The following PCDH15 variants were observed in gnomAD, a reference collection of about 807,000 sequenced individuals.
PCDH15 encodes the protein protocadherin-15.
PCDH15 carries 129 observed loss-of-function variants against 178.5 expected under a neutral mutation model. The observed-to-expected ratio is 0.72, with a 90% CI of 0.63 to 0.84. The LOEUF (loss-of-function observed/expected upper bound fraction) is 0.84, where lower values mean the gene tolerates loss of function less well. Ranked by LOEUF, PCDH15 falls within the 40% of genes least tolerant of loss-of-function variation. The probability of loss-of-function intolerance (pLI) is 0.00; values close to 1 mark genes in which losing one functional copy is unlikely to be tolerated. For synonymous variants in PCDH15, 800 were observed against 732.0 expected, an observed-to-expected ratio of 1.09 and a Z score of -1.50; for missense variants, 2,230 against 2,099.9, an observed-to-expected ratio of 1.06 and a Z score of -1.21.
chr10:54,692,772 C>T (rs527937591), intron 1 of PCDH15, among the ~76,000 whole-genome samples: 44 of 150,664 alleles, frequency 2.9e-4, no homozygotes, highest in Non-Finnish European at 5.3e-4. Flanking sequence ...AGATACATTG[C>T]CAAGAAAATG....
chr10:55,613,563 A>G (rs1843414226), intron 2 of PCDH15, among the ~76,000 whole-genome samples: 1 of 152,226 alleles, frequency 6.6e-6, no homozygotes, highest in Admixed American at 6.5e-5. Context: ...TGCAAGGGAA[A>G]GTTCACACAT....
chr10:55,594,180 T>C (rs934711119), intron 2 of PCDH15, among the ~76,000 whole-genome samples: 2 of 151,834 alleles, frequency 1.3e-5, no homozygotes, highest in African/African-American at 4.8e-5. Flanking sequence ...AGTGTACAGG[T>C]AGTTTTAACC....
rs114669101 is a variant in PCDH15 at position 55,099,847 on chromosome 10, G to A, written c.-80+66729C>T. 3.3e-3 allele frequency among the ~76,000 whole-genome samples: 499 copies of A among 152,094 alleles called. 2 individuals are homozygous for A. The highest frequency in any genetic ancestry group is 0.011 in the African/African-American group (443 of 41,508). On this transcript the variant is annotated intron_variant, in intron 2 of 5. Transcript: ENST00000458638. ...TTATCAGCTTTCTTCATTACTCATA[G>A]CAGTGGATATACACAAATCCATTTA...
chr10:55,280,444 A>AT (rs1170034467), intron 1 of PCDH15, among the ~76,000 whole-genome samples: 2,147 of 92,038 alleles, frequency 0.023, 36 homozygotes, highest in African/African-American at 0.038. Flanking sequence ...GCACCCAGCT[A>AT]TTTTTTTTTT....
At chr10:55,327,532 C>A (rs1195708962) in intron 2 of PCDH15, among the ~76,000 whole-genome samples, 1 of 151,922 alleles carries the variant, frequency 6.6e-6, no homozygotes, top group Non-Finnish European at 1.5e-5. Context: ...CACATTAATT[C>A]TTGGCAAACA....
intron 14 of PCDH15, among the ~76,000 whole-genome samples, chr10:54,147,305 A>T (rs1486326181): frequency 6.6e-6 from 1 of 151,750 alleles, no homozygotes; most frequent in Non-Finnish European, 1.5e-5. Context: ...GACATTATTT[A>T]ATGAAAATAA....
At chr10:55,246,534 A>G (rs1323060198) in intron 1 of PCDH15, among the ~76,000 whole-genome samples, 1 of 152,198 alleles carries the variant, frequency 6.6e-6, no homozygotes, top group African/African-American at 2.4e-5. Context: ...TTGTAGAAAT[A>G]TTGGATTTAT....
At chr10:55,584,255 G>A (rs971818769) in intron 2 of PCDH15, among the ~76,000 whole-genome samples, 1 of 151,704 alleles carries the variant, frequency 6.6e-6, no homozygotes, top group Non-Finnish European at 1.5e-5. Context: ...TAGATGTCTT[G>A]AAAGTCAAGT....
chr10:55,298,446 G>A (rs375159227), intron 1 of PCDH15, among the ~76,000 whole-genome samples: 24 of 152,184 alleles, frequency 1.6e-4, no homozygotes, highest in African/African-American at 5.1e-4. Flanking sequence ...GAGCATGGAA[G>A]TGAACAGATC....
intron 28 of PCDH15, among the ~76,000 whole-genome samples, chr10:53,840,899 A>C (rs2077603490): frequency 6.6e-6 from 1 of 152,222 alleles, no homozygotes; most frequent in Non-Finnish European, 1.5e-5. Context: ...AGTCTGTGAC[A>C]CATGACACGT....
At chr10:54,831,304 G>A (rs901066814) in intron 3 of PCDH15, among the ~76,000 whole-genome samples, 1 of 151,934 alleles carries the variant, frequency 6.6e-6, no homozygotes, top group Non-Finnish European at 1.5e-5. Context: ...GTTTTGGTGT[G>A]ACAGAAAAAA....
chr10:54,771,550 AT>A (rs1389568089), intron 1 of PCDH15, among the ~76,000 whole-genome samples: 3 of 152,090 alleles, frequency 2.0e-5, no homozygotes, highest in African/African-American at 4.8e-5. Flanking sequence ...TTATAAGTAC[AT>A]TTTATCATTA....
intron 25 of PCDH15, among the ~76,000 whole-genome samples, chr10:53,915,292 G>A (rs1443257632): frequency 1.3e-5 from 2 of 152,060 alleles, no homozygotes. Context: ...GAAGCTCACT[G>A]GTTCTTCTCA....
At chr10:54,191,706 G>T (rs2049002756) in intron 11 of PCDH15, among the ~76,000 whole-genome samples, 1 of 144,194 alleles carries the variant, frequency 6.9e-6, no homozygotes, top group African/African-American at 2.5e-5. Context: ...AGGAGTTCCA[G>T]ACCAACCTGG....
At chr10:53,957,782 A>G (rs1308003628) in intron 23 of PCDH15, among the ~76,000 whole-genome samples, 1 of 152,126 alleles carries the variant, frequency 6.6e-6, no homozygotes, top group Non-Finnish European at 1.5e-5. Context: ...ATAGCAAAGA[A>G]TTGGAATCCA....
intron 4 of PCDH15, among the ~76,000 whole-genome samples, chr10:54,378,018 A>G (rs751255474): frequency 6.6e-6 from 1 of 151,796 alleles, no homozygotes; most frequent in African/African-American, 2.4e-5. Context: ...CCCCAACCCC[A>G]AGCTCAAGGG....
chr10:55,306,173 C>A (rs930615690), intron 1 of PCDH15, among the ~76,000 whole-genome samples: 2 of 152,052 alleles, frequency 1.3e-5, no homozygotes, highest in African/African-American at 2.4e-5. Context: ...TAAGGTAAAA[C>A]ATGAAATCTA....
chr10:54,457,007 C>A (rs901001320), intron 3 of PCDH15, among the ~76,000 whole-genome samples: 1 of 151,996 alleles, frequency 6.6e-6, no homozygotes, highest in African/African-American at 2.4e-5. Context: ...TATAAACTAC[C>A]CAGTCACAGG....
chr10:54,698,065 A>G (rs2135909046), intron 1 of PCDH15, among the ~76,000 whole-genome samples: 1 of 152,156 alleles, frequency 6.6e-6, no homozygotes, highest in Non-Finnish European at 1.5e-5. Flanking sequence ...AAACAAGTCC[A>G]TGTTTATCTG....
Sources: allele counts gnomAD v4.1 joint callset (sites outside exome capture counted in the v4.1 genomes callset), GRCh38; gene constraint gnomAD v4.1.1; transcripts MANE v1.5; gene names NCBI Gene and HGNC (gene_info 2026-07-23, HGNC 2026-07-21).